PPM1L: variants seen among roughly 807,000 people sequenced by gnomAD.
PPM1L encodes the protein protein phosphatase 1L.
Under a neutral mutation model 31.4 loss-of-function variants are expected in PPM1L, and 13 were observed. The observed-to-expected ratio is 0.41, with a 90% CI of 0.27 to 0.66. The LOEUF is 0.66. Ranked by LOEUF, PPM1L falls within the 30% of genes least tolerant of loss-of-function variation. The probability of loss-of-function intolerance (pLI) is 0.29; values close to 1 mark genes in which losing one functional copy is unlikely to be tolerated. For synonymous variants in PPM1L, 184 were observed against 175.4 expected, an observed-to-expected ratio of 1.05 and a Z score of -0.39; for missense variants, 326 against 453.7, an observed-to-expected ratio of 0.72 and a Z score of 2.56.
intron 1 of PPM1L, among the ~76,000 whole-genome samples, chr3:160,786,147 C>CTGTGTG (rs1560106654): frequency 2.5e-4 from 23 of 91,138 alleles, no homozygotes; most frequent in African/African-American, 1.2e-3. Flanking sequence ...CTCTCTCTCT[C>CTGTGTG]TCTCTCTCTC....
chr3:160,803,142 C>T (rs1360896426), intron 1 of PPM1L, among the ~76,000 whole-genome samples: 1 of 152,202 alleles, frequency 6.6e-6, no homozygotes, highest in Admixed American at 6.5e-5. Flanking sequence ...AGGGTGCTAA[C>T]TCAAAAGATA....
intron 3 of PPM1L, 151 bp downstream of exon 3, chr3:161,065,715 T>C (rs1719719121): frequency 1.7e-6 from 1 of 581,428 alleles, no homozygotes; most frequent in Non-Finnish European, 2.9e-6. Flanking sequence ...ACATTACCTA[T>C]CAAATAAATG....
At chr3:161,061,739 G>A (rs1719576108) in intron 2 of PPM1L, among the ~76,000 whole-genome samples, 1 of 152,092 alleles carries the variant, frequency 6.6e-6, no homozygotes, top group East Asian at 1.9e-4. Flanking sequence ...GGCCATCCGT[G>A]GATTTTGCTA....
At chr3:160,944,568 G>T (rs1401707286) in intron 1 of PPM1L, among the ~76,000 whole-genome samples, 1 of 148,894 alleles carries the variant, frequency 6.7e-6, no homozygotes, top group East Asian at 1.9e-4. Context: ...AAAATATCTG[G>T]AGTGTTAGAA....
chr3:160,930,158 A>G (rs148479964), intron 1 of PPM1L, among the ~76,000 whole-genome samples: 71 of 152,350 alleles, frequency 4.7e-4, no homozygotes, highest in Non-Finnish European at 8.2e-4. Flanking sequence ...AACAGGTCGC[A>G]AAGTGTTTCT....
chr3:161,037,920 G>A (rs6809206), intron 2 of PPM1L, among the ~76,000 whole-genome samples: 70,773 of 151,708 alleles, frequency 0.47, 17,485 homozygotes, highest in East Asian at 0.69. Context: ...AGCAAGACTG[G>A]GTCACATTGC....
chr3:160,844,432 G>A (rs915507825), intron 1 of PPM1L, among the ~76,000 whole-genome samples: 11 of 152,120 alleles, frequency 7.2e-5, no homozygotes, highest in Non-Finnish European at 1.3e-4. Flanking sequence ...TCTCTAAAAT[G>A]GAGAATATTT....
chr3:161,011,523 C>G (rs1398357297), intron 2 of PPM1L, among the ~76,000 whole-genome samples: 1 of 151,454 alleles, frequency 6.6e-6, no homozygotes, highest in South Asian at 2.1e-4. Context: ...TCCATAGGAA[C>G]TTTAAAGTAG....
At chr3:160,912,294 T>C (rs757414543) in intron 1 of PPM1L, among the ~76,000 whole-genome samples, 3 of 152,200 alleles carry the variant, frequency 2.0e-5, no homozygotes, top group Non-Finnish European at 4.4e-5. Flanking sequence ...AGCAAATCCA[T>C]GCCTCCCTAC....
At chr3:160,866,774 A>G (rs1428462585) in intron 1 of PPM1L, among the ~76,000 whole-genome samples, 1 of 152,172 alleles carries the variant, frequency 6.6e-6, no homozygotes, top group African/African-American at 2.4e-5. Context: ...ACATCTGATT[A>G]CCTCTCTTTG....
At chr3:160,761,754 T>A (rs1255759470) in intron 1 of PPM1L, among the ~76,000 whole-genome samples, 12 of 152,222 alleles carry the variant, frequency 7.9e-5, no homozygotes, top group Admixed American at 7.9e-4. Context: ...AATGGACTTA[T>A]AGTTCCACGT....
At chr3:161,048,773 C>A (rs1350539266) in intron 2 of PPM1L, among the ~76,000 whole-genome samples, 2 of 151,860 alleles carry the variant, frequency 1.3e-5, no homozygotes, top group Non-Finnish European at 2.9e-5. Context: ...AGTTCATGTC[C>A]TTTGTAGGGA....
intron 2 of PPM1L, among the ~76,000 whole-genome samples, chr3:161,019,715 C>T (rs1335812588): frequency 6.6e-6 from 1 of 152,146 alleles, no homozygotes; most frequent in African/African-American, 2.4e-5. Flanking sequence ...AGTCAGTTAG[C>T]TCAGGGCATT....
intron 1 of PPM1L, among the ~76,000 whole-genome samples, chr3:160,957,251 G>T (rs557823251): frequency 6.6e-6 from 1 of 152,154 alleles, no homozygotes; most frequent in Non-Finnish European, 1.5e-5. Flanking sequence ...TTTTATAGCT[G>T]CATAGTATTC....
chr3:161,045,202 A>T (rs968643778), intron 2 of PPM1L, among the ~76,000 whole-genome samples: 2 of 152,226 alleles, frequency 1.3e-5, no homozygotes, highest in Non-Finnish European at 2.9e-5. Flanking sequence ...TGTCAACATT[A>T]GACAGATCAA....
At chr3:160,897,356 TAA>T (rs1713374745) in intron 1 of PPM1L, among the ~76,000 whole-genome samples, 1 of 152,124 alleles carries the variant, frequency 6.6e-6, no homozygotes, top group Non-Finnish European at 1.5e-5. Context: ...CTGACTCTTA[TAA>T]AGATTTATTA....
intron 1 of PPM1L, among the ~76,000 whole-genome samples, chr3:160,860,853 C>G (rs1316314832): frequency 6.6e-6 from 1 of 152,152 alleles, no homozygotes; most frequent in Non-Finnish European, 1.5e-5. Context: ...TATCTCTTGT[C>G]TCTTCCTATA....
chr3:160,917,626 G>C (rs978022754), intron 1 of PPM1L, among the ~76,000 whole-genome samples: 1 of 151,964 alleles, frequency 6.6e-6, no homozygotes, highest in Non-Finnish European at 1.5e-5. Flanking sequence ...GCTATTAAAA[G>C]CAAAAAAGGT....
chr3:160,925,274 T>C (rs1714549152), intron 1 of PPM1L, among the ~76,000 whole-genome samples: 1 of 152,228 alleles, frequency 6.6e-6, no homozygotes, highest in Admixed American at 6.5e-5. Flanking sequence ...GAACTTCTCA[T>C]TCCAGTTTAT....
Sources: gnomAD v4.1 joint callset for allele counts (sites outside exome capture counted in the v4.1 genomes callset) on GRCh38, gnomAD v4.1.1 for gene constraint, MANE v1.5 for transcripts, NCBI Gene and HGNC (gene_info 2026-07-23, HGNC 2026-07-21) for gene names.